ANTXR1: variants seen among roughly 807,000 people sequenced by gnomAD.
The protein encoded by ANTXR1 is anthrax toxin receptor 1.
In ANTXR1, 19 loss-of-function variants were observed where a neutral mutation model predicts 78.1. The observed-to-expected ratio is 0.24, with a 90% CI of 0.17 to 0.36. The LOEUF (loss-of-function observed/expected upper bound fraction) is 0.36, where lower values mean the gene tolerates loss of function less well. Ranked by LOEUF, ANTXR1 falls within the 10% of genes least tolerant of loss-of-function variation. The probability of loss-of-function intolerance (pLI) is 1.00; values close to 1 mark genes in which losing one functional copy is unlikely to be tolerated. For synonymous variants in ANTXR1, 273 were observed against 260.5 expected, an observed-to-expected ratio of 1.05 and a Z score of -0.46; for missense variants, 518 against 718.6, an observed-to-expected ratio of 0.72 and a Z score of 3.19.
rs1231003059 is a variant in ANTXR1, at chr2:69,249,325, C to A, written c.*3840C>A. 6.6e-6 allele frequency: 1 copy of A among 152,038 alleles called. No homozygotes were observed. The highest frequency in any genetic ancestry group is 1.5e-5 in the Non-Finnish European group (1 of 68,004). The allele number at this position is 152,038 out of a possible 1,614,324, so 9.4% of individuals were successfully genotyped here. A position where few individuals can be genotyped will look rare whatever the true frequency, so the allele number is the denominator to read the frequency against. On this transcript the variant is annotated 3_prime_UTR_variant, in exon 18 of 18. Coordinates refer to ENST00000303714, the MANE Select transcript of ANTXR1 (RefSeq NM_032208.3). ...AAAAAAAATAATAAATTTCTTAAAT[C>A]AACTCTTTTTTCTGGTTATTTGTCT...
intron 10 of ANTXR1, among the ~76,000 whole-genome samples, chr2:69,114,854 A>G (rs987851984): frequency 2.0e-5 from 3 of 152,182 alleles, no homozygotes; most frequent in Non-Finnish European, 4.4e-5. Flanking sequence ...ATGCCTCTCT[A>G]GCTGTTACCT....
At chr2:69,129,310 G>C (rs1406213594) in intron 12 of ANTXR1, among the ~76,000 whole-genome samples, 2 of 152,078 alleles carry the variant, frequency 1.3e-5, no homozygotes, top group African/African-American at 4.8e-5. Flanking sequence ...TTTTCTTTTA[G>C]GTACTTAAAA....
chr2:69,172,778 C>T (rs994165405), intron 14 of ANTXR1, among the ~76,000 whole-genome samples: 3 of 152,178 alleles, frequency 2.0e-5, no homozygotes, highest in Admixed American at 6.5e-5. Context: ...ATGTAACCAA[C>T]GGTGACACAC....
At chr2:69,219,847 T>G (rs1000417317) in intron 17 of ANTXR1, among the ~76,000 whole-genome samples, 1 of 152,134 alleles carries the variant, frequency 6.6e-6, no homozygotes, top group Non-Finnish European at 1.5e-5. Context: ...CACAGACTCC[T>G]CCACCATCAG....
intron 3 of ANTXR1, among the ~76,000 whole-genome samples, chr2:69,051,241 G>A (rs1348976958): frequency 6.6e-6 from 1 of 151,730 alleles, no homozygotes; most frequent in Non-Finnish European, 1.5e-5. Context: ...TCGCACCACT[G>A]CACTGTAGCC....
In ANTXR1 at chr2:69,159,383, A is replaced by G. The variant is rs376446774; in HGVS notation, c.1047+7119A>G. 9.2e-5 allele frequency among the ~76,000 whole-genome samples: 14 copies of G among 152,312 alleles called. No individual in the cohort carries two copies. In the East Asian group the frequency reaches 1.9e-3, roughly 21 times the overall value. ...GAGCCCTAGAGTCTGAGACTAGCCT[A>G]GGCAACATGGTGAGACAGCATCACT... On this transcript the variant is annotated intron_variant, in intron 13 of 17. Transcript: ENST00000303714.
At chr2:69,222,949 G>C (rs1462972634) in intron 17 of ANTXR1, among the ~76,000 whole-genome samples, 1 of 152,192 alleles carries the variant, frequency 6.6e-6, no homozygotes, top group African/African-American at 2.4e-5. Flanking sequence ...GATATGAGGG[G>C]AGGTGGCATC....
Position 69,193,252 on chromosome 2 carries a change from A to T in ANTXR1, c.1354-83A>T, listed in dbSNP as rs73934790. 2.1e-3 allele frequency: 2,315 copies of T among 1,126,866 alleles called. 30 individuals carry two copies. The African/African-American group carries it at 0.026, about 13-fold the overall frequency. The allele number at this position is 1,126,866 out of a possible 1,614,324, so 69.8% of individuals were successfully genotyped here. On this transcript the variant is annotated intron_variant, in intron 16 of 17. Transcript: ENST00000303714. ...GTTGTGTTGTTCACATGACTGAAGA[A>T]GCACGGAAAGTTCTGTGAGCCTACG...
intron 1 of ANTXR1, among the ~76,000 whole-genome samples, chr2:69,029,205 G>A (rs953091913): frequency 1.3e-5 from 2 of 151,470 alleles, no homozygotes; most frequent in Non-Finnish European, 2.9e-5. Flanking sequence ...CTTCGGCCAG[G>A]GCAACAGAGC....
intron 10 of ANTXR1, among the ~76,000 whole-genome samples, chr2:69,111,837 T>A (rs1351747255): frequency 6.6e-6 from 1 of 152,284 alleles, no homozygotes; most frequent in African/African-American, 2.4e-5. Flanking sequence ...CTAAACTTCA[T>A]CTTAGAAAAC....
intron 8 of ANTXR1, among the ~76,000 whole-genome samples, chr2:69,081,616 A>G (rs1670904153): frequency 6.6e-6 from 1 of 152,234 alleles, no homozygotes; most frequent in African/African-American, 2.4e-5. Context: ...AATCATAACA[A>G]TGCTGCAAAA....
intron 1 of ANTXR1, among the ~76,000 whole-genome samples, chr2:69,028,421 A>G (rs568970009): frequency 3.3e-5 from 5 of 152,336 alleles, no homozygotes; most frequent in African/African-American, 1.2e-4. Context: ...TTTATGATGG[A>G]TAAAATTTTT....
chr2:69,200,747 CATGTATGT>C (rs577338101), intron 17 of ANTXR1, among the ~76,000 whole-genome samples: 1 of 151,960 alleles, frequency 6.6e-6, no homozygotes, highest in Non-Finnish European at 1.5e-5. Flanking sequence ...TCCAGGAGTT[CATGTATGT>C]ATGTATGTAT....
At chr2:69,056,680 A>G (rs1573819919) in intron 3 of ANTXR1, among the ~76,000 whole-genome samples, 1 of 151,896 alleles carries the variant, frequency 6.6e-6, no homozygotes, top group Non-Finnish European at 1.5e-5. Flanking sequence ...TTTTTTTAAA[A>G]TTTTATTTAT....
intron 17 of ANTXR1, among the ~76,000 whole-genome samples, chr2:69,200,875 G>A (rs945323560): frequency 6.6e-6 from 1 of 152,172 alleles, no homozygotes; most frequent in Admixed American, 6.5e-5. Context: ...CCATTTTAAA[G>A]AACAGAAATT....
intron 13 of ANTXR1, among the ~76,000 whole-genome samples, chr2:69,158,419 A>G (rs1454187451): frequency 6.6e-6 from 1 of 152,164 alleles, no homozygotes; most frequent in Non-Finnish European, 1.5e-5. Context: ...TCACCTGGGG[A>G]GGATCAGCTG....
intron 17 of ANTXR1, among the ~76,000 whole-genome samples, chr2:69,194,622 GCAGGTAGAT>G (rs1258010700): frequency 6.6e-6 from 1 of 152,194 alleles, no homozygotes; most frequent in Non-Finnish European, 1.5e-5. Flanking sequence ...GGAGGCAAAG[GCAGGTAGAT>G]CACTTGAGGT....
At chr2:69,139,749 C>T (rs1047913547) in intron 12 of ANTXR1, among the ~76,000 whole-genome samples, 12 of 152,234 alleles carry the variant, frequency 7.9e-5, no homozygotes, top group African/African-American at 2.2e-4. Context: ...TAATAGGTAA[C>T]GGTGATGCCA....
At position 69,013,226 on chromosome 2, in the gene ANTXR1, CCGG is replaced by C. The variant is rs1365160369; in HGVS notation, c.-269_-267del. Reference sequence around the variant, plus strand: ...AGCTCGGCGCGGCCTCGGGAGCTGCCCGGCGGCCCCGGACCGAGGCAGCCCTCC... The same window carrying C: ...AGCTCGGCGCGGCCTCGGGAGCTGCCCGGCCCCGGACCGAGGCAGCCCTCC... On this transcript the variant is annotated 5_prime_UTR_variant, in exon 1 of 18. Transcript: ENST00000303714. This position sits in a 1 kb window ranked among gnomAD's most constrained non-coding sequence, Gnocchi z 5.0. The C allele has an allele frequency of 1.9e-6, 1 of 529,080 alleles. No homozygotes were observed. Among genetic ancestry groups the C allele is most frequent in the Non-Finnish European group, 3.4e-6 (1 of 297,000 alleles). 32.8% of individuals were successfully genotyped at this position (529,080 alleles called of 1,614,324 possible). A position where few individuals can be genotyped will look rare whatever the true frequency, so the allele number is the denominator to read the frequency against.
Sources: allele counts gnomAD v4.1 joint callset (sites outside exome capture counted in the v4.1 genomes callset), GRCh38; gene constraint gnomAD v4.1.1; non-coding constraint Gnocchi (gnomAD v3.1); transcripts MANE v1.5; gene names NCBI Gene and HGNC (gene_info 2026-07-23, HGNC 2026-07-21).